UBE4B: variants seen among roughly 807,000 people sequenced by gnomAD.
UBE4B encodes ubiquitin conjugation factor E4 B.
A neutral mutation model predicts 148.1 loss-of-function variants in UBE4B; 27 were observed. The ratio of observed to expected loss-of-function variants is 0.18; its 90% confidence interval spans 0.13 to 0.25. The LOEUF (loss-of-function observed/expected upper bound fraction) is 0.25. Ranked by LOEUF, UBE4B falls within the 10% of genes least tolerant of loss-of-function variation. The pLI, the probability that UBE4B is intolerant of heterozygous loss-of-function variation, is 1.00. For missense variants in UBE4B, 1,170 were observed against 1,662.4 expected (o/e 0.70, Z 5.15); for synonymous variants, 596 against 619.3 (o/e 0.96, Z 0.56).
intron 1 of UBE4B, among the ~76,000 whole-genome samples, chr1:10,056,260 C>T (rs1644165900): frequency 6.6e-6 from 1 of 152,108 alleles, no homozygotes. Context: ...CTTTTGTACA[C>T]ACTCGTATTA....
rs959481714 is a variant in UBE4B, at chr1:10,115,704, A to G, written c.1197-1755A>G. Among the ~76,000 whole-genome samples, 9 of 152,330 alleles carry G rather than the reference A, an allele frequency of 5.9e-5. 1 individual carries two copies. The East Asian group carries it at 1.7e-3, about 29-fold the overall frequency. The stretch of plus-strand genomic sequence containing the variant: ...AAATGGATCGTTAGGCAGATTGGTC[A>G]TTGTGTGAACATCATAGAGTATACT... On this transcript the variant is annotated intron_variant, in intron 7 of 27. Transcript: ENST00000343090.
chr1:10,167,240 G>T (rs1646266014), intron 23 of UBE4B, among the ~76,000 whole-genome samples: 1 of 151,998 alleles, frequency 6.6e-6, no homozygotes, highest in East Asian at 2.0e-4. Flanking sequence ...AGGAGTTCGA[G>T]ACCAGCCTGA....
In UBE4B at chr1:10,069,654, C is replaced by T. The variant is rs576553661; in HGVS notation, c.25-2374C>T. On this transcript the variant is annotated intron_variant, in intron 1 of 27. Transcript: ENST00000343090. Reference sequence around the variant, plus strand: ...GGTTCAAGCGATTCTCCTGCCTCAGCCTCCCAAGTAGCTGGGATTGCAGGT... The same window carrying T: ...GGTTCAAGCGATTCTCCTGCCTCAGTCTCCCAAGTAGCTGGGATTGCAGGT... 7.2e-5 allele frequency among the ~76,000 whole-genome samples: 11 copies of T among 152,316 alleles called. No homozygotes were observed. In the East Asian group the frequency reaches 2.1e-3, roughly 29 times the overall value.
chr1:10,052,375 G>A (rs957131464), intron 1 of UBE4B, among the ~76,000 whole-genome samples: 3 of 152,038 alleles, frequency 2.0e-5, no homozygotes, highest in Non-Finnish European at 4.4e-5. Context: ...CCTGGTCAGT[G>A]GTGATTTAAT....
chr1:10,115,145 GA>G (rs1471469297), intron 7 of UBE4B, among the ~76,000 whole-genome samples: 2 of 150,408 alleles, frequency 1.3e-5, no homozygotes, highest in Admixed American at 6.6e-5. Context: ...CCTTCTTACT[GA>G]AATACTTTAA....
At chr1:10,110,327 A>G (rs1171652317) in intron 7 of UBE4B, among the ~76,000 whole-genome samples, 1 of 152,228 alleles carries the variant, frequency 6.6e-6, no homozygotes, top group Non-Finnish European at 1.5e-5. Context: ...CTTCTGAGAA[A>G]AGAACTGTTT....
At position 10,161,187 on chromosome 1, in the gene UBE4B, C is replaced by T; in HGVS notation, c.3099C>T (p.Asp1033=). The T allele has an allele frequency of 6.2e-7, 1 of 1,614,130 alleles. No homozygotes were observed. The highest frequency in any genetic ancestry group is 8.5e-7 in the Non-Finnish European group (1 of 1,180,026). ...GCTATATAAACATGTTGATAAACGA[C>T]ACGACGTTTTTGCTCGATGAAAGTC... The part of the protein sequence containing the change: ...FVRYINMLIN[D]TTFLLDESLE... The change falls in exon 23 of 28, where the codon GAC becomes GAT. Residue 1033 remains aspartate (D), a synonymous_variant. Coordinates refer to ENST00000343090, the MANE Select transcript of UBE4B (RefSeq NM_001105562.3). This position sits in a 1 kb window ranked among gnomAD's most constrained non-coding sequence, Gnocchi z 4.1.
At chr1:10,099,780 G>A (rs1644980335) in intron 3 of UBE4B, among the ~76,000 whole-genome samples, 1 of 152,124 alleles carries the variant, frequency 6.6e-6, no homozygotes, top group African/African-American at 2.4e-5. Flanking sequence ...TTGTCTAACA[G>A]AACAGTAATG....
At chr1:10,150,381 T>C (rs1375724481) in intron 20 of UBE4B, among the ~76,000 whole-genome samples, 1 of 152,228 alleles carries the variant, frequency 6.6e-6, no homozygotes, top group Non-Finnish European at 1.5e-5. Context: ...AGACACCTAT[T>C]TGAAAAATTT....
Position 10,161,171 on chromosome 1 carries a change from A to G in UBE4B, c.3083A>G (p.Asn1028Ser). 1 of 1,614,100 alleles carries G rather than the reference A, an allele frequency of 6.2e-7. No homozygotes were observed. ...GGGAAGCAGTTTGTTCGCTATATAAACATGTTGATAAACGACACGACGTTT... is the reference window on the plus strand; with the variant it reads ...GGGAAGCAGTTTGTTCGCTATATAAGCATGTTGATAAACGACACGACGTTT... ...NSGKQFVRYINMLINDTTFLL... is the reference protein window; with the variant it reads ...NSGKQFVRYISMLINDTTFLL... The change falls in exon 23 of 28, where the codon AAC becomes AGC. Residue 1028 changes from asparagine (N) to serine (S), a missense_variant. By Grantham distance (46) the Asn-to-Ser change is conservative. Transcript: ENST00000343090. The surrounding 1 kb of genome is among the most constrained non-coding windows in gnomAD (Gnocchi z 4.1).
intron 1 of UBE4B, chr1:10,054,431 TCACA>T: frequency 3.0e-6 from 1 of 335,202 alleles, no homozygotes; most frequent in Admixed American, 3.6e-5. Context: ...TTTATTTTTT[TCACA>T]CCTCTTATGC....
At chr1:10,055,262 C>A (rs1438788968) in intron 1 of UBE4B, among the ~76,000 whole-genome samples, 1 of 151,380 alleles carries the variant, frequency 6.6e-6, no homozygotes, top group East Asian at 1.9e-4. Context: ...CGTAGGCCAC[C>A]TTTTCATCAT....
intron 2 of UBE4B, among the ~76,000 whole-genome samples, chr1:10,075,876 AC>A (rs1444533174): frequency 6.6e-6 from 1 of 151,890 alleles, no homozygotes; most frequent in Non-Finnish European, 1.5e-5. Flanking sequence ...ACATAGCAAA[AC>A]CCCGTCTCTA....
intron 18 of UBE4B, among the ~76,000 whole-genome samples, chr1:10,146,195 T>A (rs1215689123): frequency 6.6e-6 from 1 of 152,200 alleles, no homozygotes; most frequent in Non-Finnish European, 1.5e-5. Flanking sequence ...CTCACACCAG[T>A]AATCCCAGCA....
At chr1:10,149,407 C>A in intron 20 of UBE4B, 125 bp downstream of exon 20, 1 of 695,722 alleles carries the variant, frequency 1.4e-6, no homozygotes, top group Non-Finnish European at 2.2e-6. Context: ...TAACTGAATG[C>A]TGCCTAGAGA....
rs376879441 is a variant in UBE4B, at chr1:10,175,495, C to CA, written c.3526-3143dup. ...TGAAACCCCATCTCTACTAAAAATA[C>CA]AAAAAATTAGCCAGGCGTGGTGGCG... On this transcript the variant is annotated intron_variant, in intron 25 of 27. Coordinates refer to ENST00000343090, the MANE Select transcript of UBE4B (RefSeq NM_001105562.3). 3.7e-3 allele frequency among the ~76,000 whole-genome samples: 559 copies of CA among 149,486 alleles called. 2 individuals carry two copies. The highest frequency in any genetic ancestry group is 6.2e-3 in the Non-Finnish European group (420 of 67,596).
chr1:10,042,762 C>T (rs187759271), intron 1 of UBE4B, among the ~76,000 whole-genome samples: 3 of 152,256 alleles, frequency 2.0e-5, no homozygotes, highest in Non-Finnish European at 4.4e-5. Flanking sequence ...CTGTGGCCTA[C>T]AGGTACAGAG....
intron 21 of UBE4B, among the ~76,000 whole-genome samples, chr1:10,155,082 A>G (rs896114152): frequency 6.8e-6 from 1 of 147,492 alleles, no homozygotes; most frequent in Non-Finnish European, 1.5e-5. Flanking sequence ...AGAGAGAGAG[A>G]GAGTGTGTGT....
At chr1:10,126,287 G>A (rs1384531294) in intron 10 of UBE4B, among the ~76,000 whole-genome samples, 3 of 151,580 alleles carry the variant, frequency 2.0e-5, no homozygotes, top group East Asian at 3.9e-4. Context: ...GTGACAGAGC[G>A]AGACTCCGTC....
Sources: allele counts gnomAD v4.1 joint callset (sites outside exome capture counted in the v4.1 genomes callset), GRCh38; gene constraint gnomAD v4.1.1; non-coding constraint Gnocchi (gnomAD v3.1); transcripts MANE v1.5; gene names NCBI Gene and HGNC (gene_info 2026-07-23, HGNC 2026-07-21).